The following RELN variants were observed in gnomAD, a reference collection of about 807,000 sequenced individuals.
RELN encodes reelin.
Under a neutral mutation model 427.6 loss-of-function variants are expected in RELN, and 108 were observed. That is an observed-to-expected ratio of 0.25 (90% CI 0.22 to 0.30). RELN has a LOEUF of 0.30. Ranked by LOEUF, RELN falls within the 10% of genes least tolerant of loss-of-function variation. The pLI, the probability that RELN is intolerant of heterozygous loss-of-function variation, is 1.00. For missense variants in RELN, 3,715 were observed against 4,302.8 expected, an observed-to-expected ratio of 0.86 and a Z score of 3.82; for synonymous variants, 1,524 against 1,513.4, an observed-to-expected ratio of 1.01 and a Z score of -0.16.
chr7:103,575,410 G>A, intron 29 of RELN, 138 bp downstream of exon 29: 5 of 946,960 alleles, frequency 5.3e-6, no homozygotes, highest in Non-Finnish European at 8.4e-6. Flanking sequence ...CATGTGCCTG[G>A]GTTGTGAATT....
intron 20 of RELN, among the ~76,000 whole-genome samples, chr7:103,618,879 G>A (rs181170264): frequency 2.6e-5 from 4 of 152,262 alleles, no homozygotes; most frequent in Admixed American, 2.0e-4. Context: ...TTGGGAGGCC[G>A]AGGTGGGCAG....
intron 1 of RELN, among the ~76,000 whole-genome samples, chr7:103,922,885 T>C (rs1795646774): frequency 1.4e-5 from 2 of 145,940 alleles, no homozygotes; most frequent in African/African-American, 5.6e-5. Context: ...ACCTTTAATA[T>C]GTGCAGAAAA....
chr7:103,956,492 G>A (rs1269184996), intron 1 of RELN, among the ~76,000 whole-genome samples: 1 of 152,152 alleles, frequency 6.6e-6, no homozygotes, highest in Non-Finnish European at 1.5e-5. Context: ...CTTACAGCAT[G>A]ACTTCTGGAT....
chr7:103,823,485 T>G (rs1793058849), intron 3 of RELN, among the ~76,000 whole-genome samples: 1 of 152,030 alleles, frequency 6.6e-6, no homozygotes, highest in Non-Finnish European at 1.5e-5. Context: ...GTTATAATTT[T>G]ATTTCTGTTC....
Position 103,668,159 on chromosome 7 carries a change from G to C in RELN, c.1290-6632C>G, listed in dbSNP as rs981549863. 2.6e-5 allele frequency among the ~76,000 whole-genome samples: 4 copies of C among 152,236 alleles called. 1 individual carries two copies. Among genetic ancestry groups the C allele is most frequent in the Admixed American group, 2.6e-4 (4 of 15,288 alleles). On this transcript the variant is annotated intron_variant, in intron 11 of 64. Coordinates refer to ENST00000428762, the MANE Select transcript of RELN (RefSeq NM_005045.4). ...GCATGAGGATAGCTTGAACCTGAGA[G>C]GGGGAGGTTGCAGTGAGCTGAGATT...
At chr7:103,606,540 T>TAATG (rs141722293) in intron 22 of RELN, among the ~76,000 whole-genome samples, 5,446 of 152,276 alleles carry the variant, frequency 0.036, 155 homozygotes, top group East Asian at 0.15. Context: ...CTCTCAAATA[T>TAATG]AATGATTCCT....
intron 1 of RELN, among the ~76,000 whole-genome samples, chr7:103,955,344 A>T (rs541965448): frequency 2.6e-5 from 4 of 152,358 alleles, no homozygotes; most frequent in Admixed American, 1.3e-4. Context: ...TTCCATGAAC[A>T]GTAACTAAAT....
At chr7:103,590,437 T>C (rs1057113430) in intron 27 of RELN, among the ~76,000 whole-genome samples, 4 of 152,222 alleles carry the variant, frequency 2.6e-5, no homozygotes, top group African/African-American at 9.6e-5. Flanking sequence ...GGCGGGCACC[T>C]GTAATCCCAG....
rs1017052535 is a variant in RELN at position 103,561,595 on chromosome 7, A to C, written c.5466T>G (p.Gly1822=). The C allele has an allele frequency of 1.9e-6, 3 of 1,613,814 alleles. No individual in the cohort carries two copies. The highest frequency in any genetic ancestry group is 2.7e-5 in the African/African-American group (2 of 74,870). Residue 1822 remains glycine, a synonymous_variant, in exon 36 of 65, where the codon GGT becomes GGG. Coordinates refer to ENST00000428762, the MANE Select transcript of RELN (RefSeq NM_005045.4). ...CACCATTCAGATTCCCCCTCTCTGC[A>C]CCATACACTTCAGGCCAAAGGTCAG... ...LHPDLWPEVY[G]AERGNLNGET... is the part of the protein sequence containing the mutation.
chr7:103,987,628 G>A (rs958424706), intron 1 of RELN, among the ~76,000 whole-genome samples: 2 of 152,128 alleles, frequency 1.3e-5, no homozygotes, highest in African/African-American at 2.4e-5. Flanking sequence ...GCTAAGAGTC[G>A]CACGGAGCAG....
At chr7:103,937,589 G>C (rs1392372847) in intron 1 of RELN, among the ~76,000 whole-genome samples, 3 of 152,086 alleles carry the variant, frequency 2.0e-5, no homozygotes, top group Non-Finnish European at 4.4e-5. Context: ...TGAAATGATG[G>C]GGAAAAACTG....
intron 23 of RELN, 51 bp downstream of exon 23, chr7:103,604,295 G>C (rs1210502740): frequency 6.2e-7 from 1 of 1,610,158 alleles, no homozygotes; most frequent in Admixed American, 1.7e-5. Context: ...GTATCCTCCA[G>C]CCACAAATCT....
rs768432132 is a variant in RELN, at chr7:103,917,095, C to A, written c.317G>T (p.Gly106Val). 1 of 1,613,302 alleles carries A rather than the reference C, an allele frequency of 6.2e-7. No individual in the cohort carries two copies. Among genetic ancestry groups the A allele is most frequent in the Non-Finnish European group, 8.5e-7 (1 of 1,179,414 alleles). The change falls in exon 2 of 65, where the codon GGT (glycine) becomes GTT (valine). Residue 106 changes from glycine (G) to valine (V), a missense_variant. Gly to Val is a moderately radical substitution (Grantham distance 109, BLOSUM62 -3). Coordinates refer to ENST00000428762, the MANE Select transcript of RELN (RefSeq NM_005045.4). ...TSVQASQSIG[G>V]SSAFGFGIMS... Reference sequence around the variant, plus strand: ...CTTACCAAATCCGAAAGCACTGGAACCTCCAATGCTCTGTGATGCCTGAAC... The same window carrying A: ...CTTACCAAATCCGAAAGCACTGGAAACTCCAATGCTCTGTGATGCCTGAAC...
In RELN at chr7:103,949,201, G is replaced by C. The variant is rs1027299828; in HGVS notation, c.227-32016C>G. Among the ~76,000 whole-genome samples, 7 of 151,910 alleles carry C rather than the reference G, an allele frequency of 4.6e-5. 1 individual carries two copies. Among genetic ancestry groups the C allele is most frequent in the Admixed American group, 6.6e-5 (1 of 15,240 alleles). Reference sequence around the variant, plus strand: ...TTATGTGTCAAAAATCTAGAATGGAGAGTATTATTTACAATAACAAATCTC... The same window carrying C: ...TTATGTGTCAAAAATCTAGAATGGACAGTATTATTTACAATAACAAATCTC... On this transcript the variant is annotated intron_variant, in intron 1 of 64. Coordinates refer to ENST00000428762, the MANE Select transcript of RELN (RefSeq NM_005045.4).
intron 28 of RELN, among the ~76,000 whole-genome samples, chr7:103,579,565 CT>C (rs1321306633): frequency 6.7e-6 from 1 of 148,174 alleles, no homozygotes; most frequent in Non-Finnish European, 1.5e-5. Context: ...CGCCCCTGCA[CT>C]CCGGTCTTGG....
chr7:103,613,066 C>T (rs897459780), intron 20 of RELN, among the ~76,000 whole-genome samples: 3 of 152,108 alleles, frequency 2.0e-5, no homozygotes, highest in East Asian at 1.9e-4. Context: ...TGTGGAATCT[C>T]GGCCATGTCC....
chr7:103,943,015 G>A (rs1219140473), intron 1 of RELN, among the ~76,000 whole-genome samples: 1 of 152,112 alleles, frequency 6.6e-6, no homozygotes. Flanking sequence ...AAAACTCAAA[G>A]AATCATTTAT....
At chr7:103,522,644 T>TC in intron 47 of RELN, among the ~76,000 whole-genome samples, 1 of 152,262 alleles carries the variant, frequency 6.6e-6, no homozygotes, top group South Asian at 2.1e-4. Context: ...AACTGTCACT[T>TC]CTTACCAAAA....
chr7:103,675,841 A>G (rs1167065359), intron 11 of RELN, among the ~76,000 whole-genome samples: 8 of 152,284 alleles, frequency 5.3e-5, no homozygotes, highest in African/African-American at 1.9e-4. Flanking sequence ...CCATATGTAG[A>G]AAGCTGAAAC....
Sources: gnomAD v4.1 joint callset for allele counts (sites outside exome capture counted in the v4.1 genomes callset) on GRCh38, gnomAD v4.1.1 for gene constraint, MANE v1.5 for transcripts, NCBI Gene and HGNC (gene_info 2026-07-23, HGNC 2026-07-21) for gene names.